The following RABL2A variants were observed in gnomAD, a reference collection of about 807,000 sequenced individuals.
The protein encoded by RABL2A is RAB, member of RAS oncogene family like 2A.
In RABL2A, 17 loss-of-function variants were observed where a neutral mutation model predicts 30.7. That is an observed-to-expected ratio of 0.55 (90% CI 0.38 to 0.83). RABL2A has a LOEUF of 0.83. Among genes scored for constraint, RABL2A ranks in the 40% least tolerant of loss-of-function variants. The pLI is 0.00. For missense variants in RABL2A, 155 were observed against 272.6 expected (o/e 0.57, Z 3.04); for synonymous variants, 64 against 101.8 (o/e 0.63, Z 2.24).
In RABL2A at chr2:113,632,909, T is replaced by C. The variant is rs762349754; in HGVS notation, c.108-6T>C. On this transcript the variant is annotated splice_polypyrimidine_tract_variant and splice_region_variant and intron_variant, in intron 2 of 8. Coordinates refer to ENST00000683472, the MANE Select transcript of RABL2A (RefSeq NM_001306158.2). ...CATCTGACCACCTTGCCTGTTCTGC[T>C]TACAGACTCATGGAGAGATTTCTCA... 5 of 1,614,204 alleles carry C rather than the reference T, an allele frequency of 3.1e-6. No homozygotes were observed. Among genetic ancestry groups the C allele is most frequent in the African/African-American group, 2.7e-5 (2 of 75,050 alleles).
chr2:113,634,643 G>A (rs1559156029), intron 4 of RABL2A: 2 of 409,372 alleles, frequency 4.9e-6, no homozygotes, highest in Admixed American at 3.6e-5. Context: ...CTTCCATCGG[G>A]TCATAATCTT....
chr2:113,631,105 G>C (rs369040546), intron 2 of RABL2A, among the ~76,000 whole-genome samples: 1 of 152,118 alleles, frequency 6.6e-6, no homozygotes, highest in East Asian at 1.9e-4. Context: ...ATGTTGGCCA[G>C]GTTGGTCTGG....
At chr2:113,639,357 C>T (rs1168314925) in intron 5 of RABL2A, among the ~76,000 whole-genome samples, 3 of 152,032 alleles carry the variant, frequency 2.0e-5, no homozygotes, top group Admixed American at 2.0e-4. Context: ...TGCAGTAGCT[C>T]ATGCCTGTAA....
Position 113,634,211 on chromosome 2 carries a change from G to C in RABL2A, c.196G>C (p.Asp66His). 1 of 1,613,086 alleles carries C rather than the reference G, an allele frequency of 6.2e-7. No individual in the cohort carries two copies. Among genetic ancestry groups the C allele is most frequent in the Non-Finnish European group, 8.5e-7 (1 of 1,179,482 alleles). ...LTLYKHTATV[D>H]GKTILVDFWD... ...CCTGTACAAGCACACAGCCACGGTA[G>C]ATGGCAAGACCATCCTTGTGGGTAA... Residue 66 changes from aspartate to histidine, a missense_variant, in exon 4 of 9, where the codon GAT becomes CAT. Physicochemically the swap from Asp to His is moderately conservative, Grantham distance 81. Transcript: ENST00000683472.
intron 7 of RABL2A, 30 bp downstream of exon 7, chr2:113,641,480 G>T: frequency 6.2e-7 from 1 of 1,610,836 alleles, no homozygotes; most frequent in Non-Finnish European, 8.5e-7. Flanking sequence ...TAGCTAGCAA[G>T]GTCAGGGCGC....
chr2:113,641,520 G>T (rs775652812), intron 7 of RABL2A, 70 bp downstream of exon 7: 1 of 1,612,180 alleles, frequency 6.2e-7, no homozygotes. Flanking sequence ...GTGAAGAGAA[G>T]GGCTTACTGC....
chr2:113,630,609 G>A (rs1376980048), intron 2 of RABL2A, among the ~76,000 whole-genome samples: 2 of 151,670 alleles, frequency 1.3e-5, no homozygotes, highest in Non-Finnish European at 2.9e-5. Flanking sequence ...AGCAGCCCCA[G>A]TCACCAGGCT....
chr2:113,642,112 G>C lies in RABL2A; in HGVS notation c.673G>C (p.Ala225Pro). 6.2e-7 allele frequency: 1 copy of C among 1,613,766 alleles called. No individual in the cohort carries two copies. ...SSIETPSEEVASPHS is the reference protein window; with the variant it reads ...SSIETPSEEVPSPHS The stretch of plus-strand genomic sequence containing the variant: ...CATCGAGACCCCATCAGAGGAGGTG[G>C]CCTCTCCCCACAGCTGAGGGGCTGG... Residue 225 changes from alanine (A) to proline (P), a missense_variant, in exon 9 of 9, where the codon GCC becomes CCC. Around this residue, in one of 5 missense-constraint regions of RABL2A, gnomAD observed 24 missense variants for 69.4 expected, o/e 0.35. Coordinates refer to ENST00000683472, the MANE Select transcript of RABL2A (RefSeq NM_001306158.2).
At chr2:113,631,329 A>C (rs1244247029) in intron 2 of RABL2A, among the ~76,000 whole-genome samples, 1 of 152,208 alleles carries the variant, frequency 6.6e-6, no homozygotes, top group East Asian at 1.9e-4. Context: ...ATCGTTGTGC[A>C]AAGAGGGCAA....
intron 5 of RABL2A, among the ~76,000 whole-genome samples, chr2:113,639,818 C>A (rs1198965154): frequency 6.7e-6 from 1 of 149,420 alleles, no homozygotes; most frequent in Non-Finnish European, 1.5e-5. Flanking sequence ...ATTATGCCAC[C>A]ACACTCCAGC....
At position 113,634,592 on chromosome 2, in the gene RABL2A, T is replaced by C. The variant is rs951434496; in HGVS notation, c.217+360T>C. ...TTCTTACTCAGCCAGTTTGAAAAAA[T>C]AAATGTGGTCAGAACATTATCTCCC... On this transcript the variant is annotated intron_variant, in intron 4 of 8. Transcript: ENST00000683472. The C allele has an allele frequency of 9.5e-6, 4 of 420,964 alleles. No homozygotes were observed. In the Admixed American group the frequency reaches 1.5e-4, roughly 15 times the overall value. The allele number at this position is 420,964 out of a possible 1,614,324, so 26.1% of individuals were successfully genotyped here. A position where few individuals can be genotyped will look rare whatever the true frequency, so the allele number is the denominator to read the frequency against.
In RABL2A at chr2:113,634,166, C is replaced by T. The variant is rs750399827; in HGVS notation, c.151C>T (p.Leu51=). ...FLMDGFQPQQ[L]STYALTLYKH... ...ACCTGAGTGCAGTCAGCCACAGCAGCTGTCCACGTACGCCCTGACCCTGTA... is the reference window on the plus strand; with the variant it reads ...ACCTGAGTGCAGTCAGCCACAGCAGTTGTCCACGTACGCCCTGACCCTGTA... Residue 51 remains leucine, a synonymous_variant, in exon 4 of 9, where the codon CTG becomes TTG. Transcript: ENST00000683472. The T allele has an allele frequency of 1.9e-6, 3 of 1,611,932 alleles. No individual in the cohort carries two copies. Among genetic ancestry groups the T allele is most frequent in the East Asian group, 4.5e-5 (2 of 44,788 alleles).
At chr2:113,634,042 C>G in intron 3 of RABL2A, 111 bp from the exon 4 acceptor site, 1 of 1,452,830 alleles carries the variant, frequency 6.9e-7, no homozygotes, top group East Asian at 2.5e-5. Flanking sequence ...ATCTCAATAA[C>G]TCCAAAGAGA....
chr2:113,636,145 C>T (rs1344668534), intron 5 of RABL2A, among the ~76,000 whole-genome samples: 1 of 151,964 alleles, frequency 6.6e-6, no homozygotes, highest in African/African-American at 2.4e-5. Flanking sequence ...CAGCCATCAA[C>T]AATGCAGAAA....
At position 113,636,993 on chromosome 2, in the gene RABL2A, AAAAT is replaced by A. The variant is rs796169385; in HGVS notation, c.297+1867_297+1870del. On this transcript the variant is annotated intron_variant, in intron 5 of 8. Coordinates refer to ENST00000683472, the MANE Select transcript of RABL2A (RefSeq NM_001306158.2). ...AACAGAGCGAGACTCTGTCTCAAAA[AAAAT>A]AAAAAAATAAAAAAATAAAGTCTGC... Among the ~76,000 whole-genome samples the A allele has an allele frequency of 5.9e-4, 74 of 124,816 alleles. 1 individual carries two copies. Among genetic ancestry groups the A allele is most frequent in the East Asian group, 2.6e-3 (7 of 2,744 alleles). 81.9% of individuals were successfully genotyped at this position (124,816 alleles called of 152,430 possible).
In RABL2A at chr2:113,640,921, T is replaced by C. The variant is rs559342738; in HGVS notation, c.325T>C (p.Tyr109His). 6 of 1,613,834 alleles carry C rather than the reference T, an allele frequency of 3.7e-6. No individual in the cohort carries two copies. The South Asian group carries it at 6.6e-5, about 18-fold the overall frequency. ...GTTTGATATACAGAGGAAAGTCACC[T>C]ATAGGAACCTGAGCACCTGGTATAC... is the stretch of plus-strand genomic sequence containing the variant. Reference protein sequence around the residue: ...MVFDIQRKVTYRNLSTWYTEL... With the variant: ...MVFDIQRKVTHRNLSTWYTEL... The change falls in exon 6 of 9, where the codon TAT becomes CAT. Residue 109 changes from tyrosine (Y) to histidine (H), a missense_variant. Transcript: ENST00000683472.
At chr2:113,636,861 C>T (rs59823986) in intron 5 of RABL2A, among the ~76,000 whole-genome samples, 199 of 151,944 alleles carry the variant, frequency 1.3e-3, no homozygotes, top group African/African-American at 4.4e-3. Flanking sequence ...TGGTAGCGGG[C>T]GCCTGTAGTC....
At chr2:113,639,617 G>A (rs970819420) in intron 5 of RABL2A, among the ~76,000 whole-genome samples, 6 of 149,686 alleles carry the variant, frequency 4.0e-5, no homozygotes, top group African/African-American at 1.2e-4. Flanking sequence ...AACAGAGCAA[G>A]ACTCCATATA....
intron 3 of RABL2A, 21 bp from the exon 4 acceptor site, chr2:113,634,132 T>G: frequency 1.2e-6 from 2 of 1,600,188 alleles, no homozygotes; most frequent in East Asian, 2.3e-5. Context: ...TTATTGATTT[T>G]GCTCCTTAAC....
Sources: allele counts gnomAD v4.1 joint callset (sites outside exome capture counted in the v4.1 genomes callset), GRCh38; gene constraint gnomAD v4.1.1; regional missense constraint gnomAD v4.1.1; transcripts MANE v1.5; gene names NCBI Gene and HGNC (gene_info 2026-07-23, HGNC 2026-07-21).